Variants in ALK observed in about 807,000 individuals in gnomAD.
The protein encoded by ALK is ALK tyrosine kinase receptor.
ALK carries 74 observed loss-of-function variants against 163.1 expected under a neutral mutation model. That is an observed-to-expected ratio of 0.45 (90% CI 0.38 to 0.55). The LOEUF (loss-of-function observed/expected upper bound fraction) is 0.55. ALK is among the 20% of genes least tolerant of loss of function. ALK has a pLI of 0.00. For missense variants in ALK, 2,063 were observed against 2,105.3 expected (o/e 0.98, Z 0.39); for synonymous variants, 960 against 843.2 (o/e 1.14, Z -2.40).
At chr2:29,463,170 C>A (rs1185633025) in intron 4 of ALK, among the ~76,000 whole-genome samples, 1 of 152,018 alleles carries the variant, frequency 6.6e-6, no homozygotes, top group Non-Finnish European at 1.5e-5. Context: ...TTCTTTTAGA[C>A]CTTAGATGGA....
intron 8 of ALK, among the ~76,000 whole-genome samples, chr2:29,314,827 T>C (rs1666785284): frequency 6.6e-6 from 1 of 152,022 alleles, no homozygotes; most frequent in Non-Finnish European, 1.5e-5. Flanking sequence ...TGCTGGGGTG[T>C]GTGAAAGGCA....
chr2:29,836,085 A>C (rs1026688349), intron 1 of ALK, among the ~76,000 whole-genome samples: 1 of 152,124 alleles, frequency 6.6e-6, no homozygotes, highest in African/African-American at 2.4e-5. Flanking sequence ...TCCATAACTC[A>C]GCTTCTTCCC....
chr2:29,198,170 C>G (rs146707382), intron 26 of ALK, among the ~76,000 whole-genome samples: 30 of 152,242 alleles, frequency 2.0e-4, no homozygotes, highest in African/African-American at 7.2e-4. Context: ...AAGATAAAGT[C>G]TCTGAATTAC....
chr2:29,636,619 CTT>C (rs962643235), intron 3 of ALK, among the ~76,000 whole-genome samples: 5 of 152,096 alleles, frequency 3.3e-5, no homozygotes, highest in Non-Finnish European at 7.4e-5. Context: ...AAATTAAAAA[CTT>C]TTGCTCTGCA....
intron 3 of ALK, among the ~76,000 whole-genome samples, chr2:29,608,621 A>G (rs998193256): frequency 2.6e-5 from 4 of 152,178 alleles, no homozygotes; most frequent in African/African-American, 7.2e-5. Flanking sequence ...TTCAGTGAAG[A>G]CTGACTTTGA....
rs566202146 is a variant in ALK, at chr2:29,918,890, T to G, written c.667+1103A>C. Among the ~76,000 whole-genome samples, 306 of 152,322 alleles carry G rather than the reference T, an allele frequency of 2.0e-3. 2 individuals are homozygous for G. The highest frequency in any genetic ancestry group is 7.0e-3 in the African/African-American group (292 of 41,560). On this transcript the variant is annotated intron_variant, in intron 1 of 28. Transcript: ENST00000389048. ...TTGCTTGATGGAATTTGTGTAGGCT[T>G]TTTAAAAGCCTGATTTCTTTTCTGT...
chr2:29,723,480 T>A (rs1470568245), intron 1 of ALK, among the ~76,000 whole-genome samples: 1 of 152,236 alleles, frequency 6.6e-6, no homozygotes, highest in Non-Finnish European at 1.5e-5. Flanking sequence ...ATTGGTTTAT[T>A]CATTGTGTAC....
intron 1 of ALK, among the ~76,000 whole-genome samples, chr2:29,740,587 G>C (rs1441545970): frequency 6.6e-6 from 1 of 152,238 alleles, no homozygotes; most frequent in Non-Finnish European, 1.5e-5. Flanking sequence ...GTTATGAATA[G>C]TGCCAATATT....
chr2:29,806,234 C>T (rs1218425197), intron 1 of ALK, among the ~76,000 whole-genome samples: 3 of 152,048 alleles, frequency 2.0e-5, no homozygotes, highest in African/African-American at 4.8e-5. Context: ...CTAAATCACA[C>T]GGTGTGCGTG....
chr2:29,514,464 A>G lies in ALK; in HGVS notation c.1154+17451T>C, dbSNP rs371295405. On this transcript the variant is annotated intron_variant, in intron 4 of 28. Transcript: ENST00000389048. ...GAATTGAACAATGAGAATTTCCTAG[A>G]CCTTTTAATACACTCCCAGGGCTTG... Among the ~76,000 whole-genome samples, 93 of 152,212 alleles carry G rather than the reference A, an allele frequency of 6.1e-4. 1 individual carries two copies. The highest frequency in any genetic ancestry group is 2.2e-3 in the African/African-American group (91 of 41,526).
intron 3 of ALK, among the ~76,000 whole-genome samples, chr2:29,691,937 A>T (rs1678410321): frequency 1.3e-5 from 2 of 152,232 alleles, no homozygotes; most frequent in Admixed American, 1.3e-4. Context: ...CTGTAATCAC[A>T]GTTCCACTCC....
At chr2:29,220,567 T>C (rs1669772738) in intron 23 of ALK, 139 bp downstream of exon 23, 13 of 1,202,486 alleles carry the variant, frequency 1.1e-5, no homozygotes, top group Non-Finnish European at 1.4e-5. Flanking sequence ...AGCCAGTCAG[T>C]CACCCCCCTG....
At chr2:29,650,675 A>T (rs531504972) in intron 3 of ALK, among the ~76,000 whole-genome samples, 55 of 152,204 alleles carry the variant, frequency 3.6e-4, no homozygotes, top group South Asian at 6.2e-4. Context: ...TCACTTAAGA[A>T]GTTTCATCCA....
intron 3 of ALK, among the ~76,000 whole-genome samples, chr2:29,565,427 T>C (rs552658563): frequency 2.6e-5 from 4 of 152,200 alleles, no homozygotes; most frequent in African/African-American, 7.2e-5. Flanking sequence ...CTCACAGTTA[T>C]TGAGGGGAGG....
chr2:29,730,456 G>A (rs1054661124), intron 1 of ALK, among the ~76,000 whole-genome samples: 1 of 152,136 alleles, frequency 6.6e-6, no homozygotes, highest in African/African-American at 2.4e-5. Context: ...CAAAGGAACA[G>A]CCAATGAAAG....
chr2:29,201,039 T>C (rs1272911844), intron 26 of ALK, among the ~76,000 whole-genome samples: 5 of 151,630 alleles, frequency 3.3e-5, no homozygotes, highest in African/African-American at 1.2e-4. Context: ...TATCAGCCTT[T>C]AAAAGCTACA....
At chr2:29,792,972 A>G (rs1316175183) in intron 1 of ALK, among the ~76,000 whole-genome samples, 2 of 152,148 alleles carry the variant, frequency 1.3e-5, no homozygotes, top group Non-Finnish European at 2.9e-5. Context: ...TGTTGCATCC[A>G]TTGACTCTTC....
chr2:29,881,366 TATG>T (rs1469195270), intron 1 of ALK, among the ~76,000 whole-genome samples: 1 of 152,234 alleles, frequency 6.6e-6, no homozygotes, highest in African/African-American at 2.4e-5. Flanking sequence ...TATCATTAAT[TATG>T]ATCTTCCCTC....
intron 4 of ALK, among the ~76,000 whole-genome samples, chr2:29,529,497 A>AGT (rs1185787585): frequency 1.3e-5 from 2 of 152,208 alleles, no homozygotes; most frequent in Non-Finnish European, 2.9e-5. Context: ...CTGCAAATCC[A>AGT]AAGATTCTTG....
Sources: allele counts gnomAD v4.1 joint callset (sites outside exome capture counted in the v4.1 genomes callset), GRCh38; gene constraint gnomAD v4.1.1; transcripts MANE v1.5; gene names NCBI Gene and HGNC (gene_info 2026-07-23, HGNC 2026-07-21).